Variants in HAS1 observed in about 807,000 individuals in gnomAD.
The protein encoded by HAS1 is HA synthase 1.
Under a neutral mutation model 35.0 loss-of-function variants are expected in HAS1, and 27 were observed. The ratio of observed to expected loss-of-function variants is 0.77; its 90% CI spans 0.57 to 1.06. The LOEUF (loss-of-function observed/expected upper bound fraction) is 1.06, where lower values mean the gene tolerates loss of function less well. Among genes scored for constraint, HAS1 ranks in the 50% least tolerant of loss-of-function variants. The pLI, the probability that HAS1 is intolerant of heterozygous loss-of-function variation, is 0.00. For missense variants in HAS1, 940 were observed against 814.8 expected, an observed-to-expected ratio of 1.15 and a Z score of -1.87; for synonymous variants, 409 against 371.2, an observed-to-expected ratio of 1.10 and a Z score of -1.17.
At chr19:51,720,465 G>A (rs568904988) in intron 1 of HAS1, among the ~76,000 whole-genome samples, 1 of 152,080 alleles carries the variant, frequency 6.6e-6, no homozygotes, top group South Asian at 2.1e-4. Flanking sequence ...AGCTATCTAG[G>A]CTTCATGCTG....
Position 51,723,923 on chromosome 19 carries a change from A to ACACACACACACACC in HAS1, c.9+1_9+2insGGTGTGTGTGTGTG, listed in dbSNP as rs748932327. The ACACACACACACACC allele has an allele frequency of 2.6e-6, 4 of 1,526,384 alleles. No individual in the cohort carries two copies. The highest frequency in any genetic ancestry group is 4.9e-5 in the East Asian group (2 of 40,644). The allele number at this position is 1,526,384 out of a possible 1,614,324, so 94.6% of individuals were successfully genotyped here. Reference sequence around the variant, plus strand: ...CACACACACACACACACACACACACACCTGTCTCATCGCAGTGGGTCTGGC... The same window carrying ACACACACACACACC: ...CACACACACACACACACACACACACACACACACACACACCCCTGTCTCATCGCAGTGGGTCTGGC... On this transcript the variant is annotated splice_donor_variant, in intron 1 of 4. Coordinates refer to ENST00000540069, the MANE Select transcript of HAS1 (RefSeq NM_001297436.2). LOFTEE classifies it high-confidence loss of function.
rs2122267102 is a variant in HAS1 at position 51,719,634 on chromosome 19, CT to C, written c.270del (p.Ala91ProfsTer8). 1.3e-6 allele frequency: 2 copies of C among 1,538,586 alleles called. No individual in the cohort carries two copies. The highest frequency in any genetic ancestry group is 2.0e-5 in the Admixed American group (1 of 49,998). On this transcript the variant is annotated frameshift_variant, in exon 2 of 5. Transcript: ENST00000540069. LOFTEE classifies it high-confidence loss of function. ...GTCAGCGCCACACTGCGCGCGGTGG[CT>C]GCATCCAGCGGCCCCCGCGCCGCCG... ...VAAAARGPLD[A>X]ATARSVALTI... is the part of the protein sequence containing the mutation.
Position 51,713,393 on chromosome 19 carries a change from G to A in HAS1, c.*34C>T. 4 of 1,456,014 alleles carry A rather than the reference G, an allele frequency of 2.7e-6. No individual in the cohort carries two copies. The highest frequency in any genetic ancestry group is 3.6e-6 in the Non-Finnish European group (4 of 1,102,884). 90.2% of individuals were successfully genotyped at this position (1,456,014 alleles called of 1,614,324 possible). On this transcript the variant is annotated 3_prime_UTR_variant, in exon 5 of 5. Transcript: ENST00000540069. The surrounding 1 kb of genome is among the most constrained non-coding windows in gnomAD (Gnocchi z 4.5). ...CAGCAGCTCTCCTCTGGCCTCCCCTGAAGACCCTTGAGGCGGCATCCGCGT... is the reference window on the plus strand; with the variant it reads ...CAGCAGCTCTCCTCTGGCCTCCCCTAAAGACCCTTGAGGCGGCATCCGCGT...
Position 51,717,173 on chromosome 19 carries a change from C to A in HAS1, c.720G>T (p.Arg240Ser). The A allele has an allele frequency of 6.2e-7, 1 of 1,613,096 alleles. No homozygotes were observed. The highest frequency in any genetic ancestry group is 8.5e-7 in the Non-Finnish European group (1 of 1,179,594). Residue 240 changes from arginine to serine, a missense_variant, in exon 3 of 5, where the codon AGG (arginine) becomes AGT (serine). Transcript: ENST00000540069. ...GCTCCAGCAGTGCCATGGGGTCCAA[C>A]CTTGTGTCCGAGTCACAGACCTGTA... ...DYVQVCDSDT[R>S]LDPMALLELV...
intron 4 of HAS1, among the ~76,000 whole-genome samples, chr19:51,714,370 CTAAA>C (rs112842145): frequency 0.093 from 13,359 of 143,954 alleles, 970 homozygotes; most frequent in African/African-American, 0.19. Flanking sequence ...CCCATCTCTA[CTAAA>C]TAAATAAATA....
chr19:51,717,192 A>G lies in HAS1; in HGVS notation c.701T>C (p.Val234Ala). Residue 234 changes from valine to alanine, a missense_variant and splice_region_variant, in exon 3 of 5, where the codon GTC becomes GCC. Val to Ala is a moderately conservative substitution (Grantham distance 64). Transcript: ENST00000540069. Reference sequence around the variant, plus strand: ...GTCCAACCTTGTGTCCGAGTCACAGACCTGTAAGGTGGAAGGGGCCAGGAT... The same window carrying G: ...GTCCAACCTTGTGTCCGAGTCACAGGCCTGTAAGGTGGAAGGGGCCAGGAT... ...ALGDSVDYVQ[V>A]CDSDTRLDPM... 1 of 1,607,350 alleles carries G rather than the reference A, an allele frequency of 6.2e-7. No homozygotes were observed. Among genetic ancestry groups the G allele is most frequent in the Non-Finnish European group, 8.5e-7 (1 of 1,175,442 alleles).
At chr19:51,723,582 G>A (rs964433275) in intron 1 of HAS1, among the ~76,000 whole-genome samples, 1 of 151,984 alleles carries the variant, frequency 6.6e-6, no homozygotes, top group Admixed American at 6.6e-5. Context: ...TCTTTCATTC[G>A]CTCACTGTCG....
rs1248820285 is a variant in HAS1, at chr19:51,719,744, G to A, written c.161C>T (p.Ala54Val). 3.8e-6 allele frequency: 6 copies of A among 1,567,272 alleles called. No individual in the cohort carries two copies. Among genetic ancestry groups the A allele is most frequent in the South Asian group, 2.3e-5 (2 of 85,874 alleles). The change falls in exon 2 of 5, where the codon GCC becomes GTC. Residue 54 changes from alanine (A) to valine (V), a missense_variant. By Grantham distance (64) the Ala-to-Val change is moderately conservative. Transcript: ENST00000540069. ...PLASDRYGLL[A>V]FGLYGAFLSA... ...AAGGAAGGCCCCGTAGAGGCCGAAG[G>A]CCAGGAGGCCGTAGCGATCGGAGGC...
chr19:51,723,270 C>A (rs987312281), intron 1 of HAS1, among the ~76,000 whole-genome samples: 4 of 152,292 alleles, frequency 2.6e-5, no homozygotes, highest in Non-Finnish European at 4.4e-5. Flanking sequence ...CACAGGTGAA[C>A]CTGCAGACAC....
intron 4 of HAS1, 120 bp from the exon 5 acceptor site, chr19:51,714,222 G>C (rs1377842586): frequency 3.4e-6 from 5 of 1,461,362 alleles, no homozygotes; most frequent in Non-Finnish European, 4.6e-6. Flanking sequence ...ACCTCTCTAG[G>C]CCTCAGTGTT....
rs774121114 is a variant in HAS1, at chr19:51,713,673, G to A, written c.1488C>T (p.Ala496=). The A allele has an allele frequency of 3.2e-6, 5 of 1,584,990 alleles. No homozygotes were observed. Among genetic ancestry groups the A allele is most frequent in the Admixed American group, 1.8e-5 (1 of 55,736 alleles). ...GWGTSGRRKL[A]ANYVPLLPLA... is the part of the protein sequence containing the mutation. ...GGGGCAGCAGAGGGACGTAGTTAGC[G>A]GCCAGCTTCCGCCGGCCCGAGGTGC... The change falls in exon 5 of 5, where the codon GCC becomes GCT. Residue 496 remains alanine (A), a synonymous_variant. Transcript: ENST00000540069. The surrounding 1 kb of genome is among the most constrained non-coding windows in gnomAD (Gnocchi z 4.5).
rs780885474 is a variant in HAS1 at position 51,713,864 on chromosome 19, C to T, written c.1297G>A (p.Val433Met). Reference sequence around the variant, plus strand: ...GCCACGCCCTGCACGCACAGCAGCACCCACAGCAGCGCCCAAGGGCGGCCC... The same window carrying T: ...GCCACGCCCTGCACGCACAGCAGCATCCACAGCAGCGCCCAAGGGCGGCCC... Reference protein sequence around the residue: ...YAGRPWALLWVLLCVQGVALA... With the variant: ...YAGRPWALLWMLLCVQGVALA... Residue 433 changes from valine (V) to methionine (M), a missense_variant, in exon 5 of 5, where the codon GTG becomes ATG. Transcript: ENST00000540069. This position sits in a 1 kb window ranked among gnomAD's most constrained non-coding sequence, Gnocchi z 4.5. 5.2e-5 allele frequency: 84 copies of T among 1,606,466 alleles called. No individual in the cohort carries two copies. In the Admixed American group the frequency reaches 1.2e-3, roughly 24 times the overall value.
In HAS1 at chr19:51,713,656, A is replaced by G. The variant is rs1171791131; in HGVS notation, c.1505T>C (p.Leu502Pro). 1.3e-6 allele frequency: 2 copies of G among 1,577,528 alleles called. No individual in the cohort carries two copies. Among genetic ancestry groups the G allele is most frequent in the South Asian group, 1.1e-5 (1 of 87,150 alleles). Residue 502 changes from leucine (L) to proline (P), a missense_variant, in exon 5 of 5, where the codon CTG becomes CCG. Coordinates refer to ENST00000540069, the MANE Select transcript of HAS1 (RefSeq NM_001297436.2). The surrounding 1 kb of genome is among the most constrained non-coding windows in gnomAD (Gnocchi z 4.5). Reference sequence around the variant, plus strand: ...CAGCGCCCAGAGCGCCAGGGGCAGCAGAGGGACGTAGTTAGCGGCCAGCTT... The same window carrying G: ...CAGCGCCCAGAGCGCCAGGGGCAGCGGAGGGACGTAGTTAGCGGCCAGCTT... ...RRKLAANYVPLLPLALWALLL... is the reference protein window; with the variant it reads ...RRKLAANYVPPLPLALWALLL...
intron 4 of HAS1, among the ~76,000 whole-genome samples, chr19:51,714,935 C>A (rs2083576913): frequency 6.6e-6 from 1 of 152,112 alleles, no homozygotes; most frequent in Admixed American, 6.6e-5. Flanking sequence ...CTATTACTGG[C>A]AGGCCCTATA....
Position 51,719,709 on chromosome 19 carries a change from G to A in HAS1, c.196C>T (p.Leu66=), listed in dbSNP as rs867224861. The A allele has an allele frequency of 1.3e-6, 2 of 1,566,922 alleles. No homozygotes were observed. Among genetic ancestry groups the A allele is most frequent in the East Asian group, 4.8e-5 (2 of 42,096 alleles). Residue 66 remains leucine (L), a synonymous_variant, in exon 2 of 5, where the codon CTG becomes TTG. Transcript: ENST00000540069. The part of the protein sequence containing the change: ...GLYGAFLSAH[L]VAQSLFAYLE... ...TACGCGAAGAGGCTCTGCGCCACCA[G>A]GTGCGCTGAAAGGAAGGCCCCGTAG... is the stretch of plus-strand genomic sequence containing the variant.
At position 51,719,522 on chromosome 19, in the gene HAS1, C is replaced by A. The variant is rs1274331016; in HGVS notation, c.383G>T (p.Arg128Leu). ...GTTGCCATCCACCACCATGAGGACG[C>A]GCAGCCGCGCGCGCGGGTACAGCAG... is the stretch of plus-strand genomic sequence containing the variant. ...RALLYPRARL[R>L]VLMVVDGNRA... The change falls in exon 2 of 5, where the codon CGC becomes CTC. Residue 128 changes from arginine (R) to leucine (L), a missense_variant. Transcript: ENST00000540069. The A allele has an allele frequency of 3.2e-6, 5 of 1,548,842 alleles. No individual in the cohort carries two copies. In the East Asian group the frequency reaches 9.8e-5, roughly 30 times the overall value.
In HAS1 at chr19:51,719,218, C is replaced by T. The variant is rs912723656; in HGVS notation, c.687G>A (p.Val229=). Residue 229 remains valine, a synonymous_variant, in exon 2 of 5, where the codon GTG becomes GTA. Transcript: ENST00000540069. Reference sequence around the variant, plus strand: ...CGCCTCTACTCACCTGCACGTAGTCCACCGAATCTCCGAGCGCCTTGAAGG... The same window carrying T: ...CGCCTCTACTCACCTGCACGTAGTCTACCGAATCTCCGAGCGCCTTGAAGG... ...YTAFKALGDS[V]DYVQVCDSDT... 6.4e-7 allele frequency: 1 copy of T among 1,567,664 alleles called. No homozygotes were observed. Among genetic ancestry groups the T allele is most frequent in the Non-Finnish European group, 8.7e-7 (1 of 1,155,542 alleles).
chr19:51,722,731 A>C (rs1310596350), intron 1 of HAS1, among the ~76,000 whole-genome samples: 1 of 152,214 alleles, frequency 6.6e-6, no homozygotes, highest in Non-Finnish European at 1.5e-5. Flanking sequence ...CATTTACCAC[A>C]TCGAAGTTGA....
At position 51,717,022 on chromosome 19, in the gene HAS1, C is replaced by T; in HGVS notation, c.871G>A (p.Glu291Lys). ...TGGAAGTAGCTCTGACAAGCCCGCT[C>T]CACATTGAAGGCTACCCAGTATCGC... is the stretch of plus-strand genomic sequence containing the variant. ...SLRYWVAFNV[E>K]RACQSYFHCV... Residue 291 changes from glutamate (E) to lysine (K), a missense_variant, in exon 3 of 5, where the codon GAG becomes AAG. Transcript: ENST00000540069. The T allele has an allele frequency of 1.9e-6, 3 of 1,614,166 alleles. No individual in the cohort carries two copies. Among genetic ancestry groups the T allele is most frequent in the South Asian group, 2.2e-5 (2 of 91,088 alleles).
Sources: allele counts gnomAD v4.1 joint callset (sites outside exome capture counted in the v4.1 genomes callset), GRCh38; gene constraint gnomAD v4.1.1; non-coding constraint Gnocchi (gnomAD v3.1); transcripts MANE v1.5; gene names NCBI Gene and HGNC (gene_info 2026-07-23, HGNC 2026-07-21).